AMBRA1: variants seen among roughly 807,000 people sequenced by gnomAD.
AMBRA1 encodes the protein autophagy and beclin 1 regulator 1.
AMBRA1 carries 47 observed loss-of-function variants against 125.4 expected under a neutral mutation model. That is an observed-to-expected ratio of 0.37 (90% CI 0.30 to 0.48). AMBRA1 has a LOEUF of 0.48. AMBRA1 is among the 20% of genes least tolerant of loss of function. AMBRA1 has a pLI of 0.99. For missense variants in AMBRA1, 1,331 were observed against 1,693.4 expected, an observed-to-expected ratio of 0.79 and a Z score of 3.76; for synonymous variants, 626 against 655.5, an observed-to-expected ratio of 0.95 and a Z score of 0.69.
chr11:46,511,001 G>T (rs1951235122), intron 8 of AMBRA1, among the ~76,000 whole-genome samples: 1 of 152,088 alleles, frequency 6.6e-6, no homozygotes, highest in South Asian at 2.1e-4. Flanking sequence ...AACCTATTTT[G>T]TATTCAAAGT....
At chr11:46,465,447 G>GT (rs1419113858) in intron 11 of AMBRA1, among the ~76,000 whole-genome samples, 1 of 152,134 alleles carries the variant, frequency 6.6e-6, no homozygotes, top group Admixed American at 6.5e-5. Context: ...ATGTGTAGGT[G>GT]TTTTTTTCTT....
Position 46,400,471 on chromosome 11 carries a change from T to C in AMBRA1, c.3404-2528A>G, listed in dbSNP as rs563667466. On this transcript the variant is annotated intron_variant, in intron 17 of 17. Transcript: ENST00000683756. ...AGCCTCATGCTTCTAGTTCTTTCTA[T>C]AGTTTTTTTTTTTTTTTTTTTTTTT... Among the ~76,000 whole-genome samples, 6 of 128,822 alleles carry C rather than the reference T, an allele frequency of 4.7e-5. No individual in the cohort carries two copies. The East Asian group carries it at 9.2e-4, about 20-fold the overall frequency. The allele number at this position is 128,822 out of a possible 152,430, so 84.5% of individuals were successfully genotyped here.
At chr11:46,554,231 C>T (rs1273912623) in intron 1 of AMBRA1, among the ~76,000 whole-genome samples, 1 of 152,114 alleles carries the variant, frequency 6.6e-6, no homozygotes, top group Non-Finnish European at 1.5e-5. Context: ...CATTTATAAT[C>T]TTACAAGGTG....
At chr11:46,586,413 A>AT (rs1386281187) in intron 1 of AMBRA1, among the ~76,000 whole-genome samples, 1 of 152,098 alleles carries the variant, frequency 6.6e-6, no homozygotes, top group South Asian at 2.1e-4. Flanking sequence ...TAAAAAAATA[A>AT]TTTTTTAATT....
chr11:46,543,453 C>G (rs1952852478), intron 6 of AMBRA1, 55 bp from the exon 7 acceptor site: 1 of 1,572,980 alleles, frequency 6.4e-7, no homozygotes, highest in South Asian at 1.2e-5. Context: ...TAGGTAGAAC[C>G]TCCAAGTAAA....
intron 11 of AMBRA1, among the ~76,000 whole-genome samples, chr11:46,470,931 C>T (rs1949562435): frequency 6.6e-6 from 1 of 152,126 alleles, no homozygotes; most frequent in Non-Finnish European, 1.5e-5. Flanking sequence ...GGAGAAAGAA[C>T]TAATAAGTTC....
chr11:46,589,918 G>A (rs1032606757), intron 1 of AMBRA1, among the ~76,000 whole-genome samples: 6 of 151,406 alleles, frequency 4.0e-5, no homozygotes, highest in African/African-American at 1.5e-4. Flanking sequence ...CACCGCGCCC[G>A]GTCTAAAAAT....
intron 1 of AMBRA1, among the ~76,000 whole-genome samples, chr11:46,585,345 A>C (rs540033034): frequency 6.6e-6 from 1 of 151,254 alleles, no homozygotes; most frequent in East Asian, 2.0e-4. Context: ...AAGAATGATC[A>C]ATAAAAATAA....
At chr11:46,556,364 G>A (rs1306156938) in intron 1 of AMBRA1, among the ~76,000 whole-genome samples, 1 of 152,086 alleles carries the variant, frequency 6.6e-6, no homozygotes, top group Non-Finnish European at 1.5e-5. Context: ...AGAGAATGTG[G>A]GGAAAAACAT....
intron 1 of AMBRA1, among the ~76,000 whole-genome samples, chr11:46,564,392 C>T (rs1440415055): frequency 6.6e-6 from 1 of 152,016 alleles, no homozygotes; most frequent in Non-Finnish European, 1.5e-5. Context: ...TTTTTCCTCA[C>T]AATGATACTA....
Position 46,397,259 on chromosome 11 carries a change from T to C in AMBRA1, c.*191A>G, listed in dbSNP as rs1945500756. ...GCTCCAGATCCTGGAAGGTTCTAGT[T>C]CCCCGAGGCAGGCCTTGCCCATTTG... On this transcript the variant is annotated 3_prime_UTR_variant, in exon 18 of 18. Transcript: ENST00000683756. The C allele has an allele frequency of 4.4e-6, 3 of 677,208 alleles. No individual in the cohort carries two copies. The highest frequency in any genetic ancestry group is 6.3e-6 in the Non-Finnish European group (3 of 472,718). 41.9% of individuals were successfully genotyped at this position (677,208 alleles called of 1,614,324 possible).
In AMBRA1 at chr11:46,410,177, G is replaced by A. The variant is rs565608605; in HGVS notation, c.3209+99C>T. 48 of 1,050,914 alleles carry A rather than the reference G, an allele frequency of 4.6e-5. No homozygotes were observed. The African/African-American group carries it at 6.7e-4, about 15-fold the overall frequency. The allele number at this position is 1,050,914 out of a possible 1,614,324, so 65.1% of individuals were successfully genotyped here. A position where few individuals can be genotyped will look rare whatever the true frequency, so the allele number is the denominator to read the frequency against. ...GGAGGTGCTGCTCTGGTTGAGGAGG[G>A]ACCCAGAGCCCTAGAGGGCGCTGCT... On this transcript the variant is annotated intron_variant, in intron 16 of 17. Transcript: ENST00000683756.
chr11:46,397,544 A>G lies in AMBRA1; in HGVS notation c.3803T>C (p.Leu1268Pro). The G allele has an allele frequency of 6.4e-7, 1 of 1,554,908 alleles. No individual in the cohort carries two copies. Among genetic ancestry groups the G allele is most frequent in the Non-Finnish European group, 8.7e-7 (1 of 1,147,988 alleles). ...GTTGTTATTGGTCAACTCGCAGTGG[A>G]GGGTTGGTCCCTCAGCGCTGGGAAG... ...VSLPSAEGPT[L>P]HCELTNNNHL... Residue 1268 changes from leucine (L) to proline (P), a missense_variant, in exon 18 of 18, where the codon CTC (leucine) becomes CCC (proline). Transcript: ENST00000683756.
chr11:46,568,632 C>T (rs908634373), intron 1 of AMBRA1, among the ~76,000 whole-genome samples: 2 of 146,350 alleles, frequency 1.4e-5, no homozygotes, highest in South Asian at 2.2e-4. Flanking sequence ...ATAAGCCGGG[C>T]GTGGTGGCAC....
intron 7 of AMBRA1, among the ~76,000 whole-genome samples, chr11:46,517,899 C>A (rs2135078294): frequency 1.4e-5 from 2 of 148,050 alleles, no homozygotes; most frequent in African/African-American, 5.0e-5. Context: ...AAACTATAAG[C>A]ATATAAAAGT....
chr11:46,508,009 C>T (rs1244705862), intron 9 of AMBRA1, among the ~76,000 whole-genome samples, 182 bp downstream of exon 9: 1 of 152,198 alleles, frequency 6.6e-6, no homozygotes, highest in Non-Finnish European at 1.5e-5. Context: ...AAAGCAACTG[C>T]CAGAGGTGGG....
chr11:46,425,182 C>T (rs1246203387), intron 14 of AMBRA1, among the ~76,000 whole-genome samples: 1 of 152,130 alleles, frequency 6.6e-6, no homozygotes, highest in Non-Finnish European at 1.5e-5. Flanking sequence ...TTCCACATCT[C>T]TGGGCACAGA....
intron 11 of AMBRA1, among the ~76,000 whole-genome samples, chr11:46,482,073 GTGTTT>G (rs1489670608): frequency 1.3e-5 from 2 of 152,192 alleles, no homozygotes; most frequent in Non-Finnish European, 2.9e-5. Context: ...TTCCAGCTTT[GTGTTT>G]TGTTTTGTTG....
At chr11:46,583,731 T>C (rs200249207) in intron 1 of AMBRA1, among the ~76,000 whole-genome samples, 25,534 of 146,770 alleles carry the variant, frequency 0.17, 2,487 homozygotes, top group African/African-American at 0.24. Context: ...CAGACACTTC[T>C]GAAAAGAAGA....
Sources: allele counts gnomAD v4.1 joint callset (sites outside exome capture counted in the v4.1 genomes callset), GRCh38; gene constraint gnomAD v4.1.1; transcripts MANE v1.5; gene names NCBI Gene and HGNC (gene_info 2026-07-23, HGNC 2026-07-21).